PXYLP1: variants seen among roughly 807,000 people sequenced by gnomAD.
The protein encoded by PXYLP1 is acid phosphatase-like 2.
A neutral mutation model predicts 37.9 loss-of-function variants in PXYLP1; 17 were observed. That is an observed-to-expected ratio of 0.45 (90% CI 0.31 to 0.67). The LOEUF (loss-of-function observed/expected upper bound fraction) is 0.67, where lower values mean the gene tolerates loss of function less well. PXYLP1 is among the 30% of genes least tolerant of loss of function. The pLI, the probability that PXYLP1 is intolerant of heterozygous loss-of-function variation, is 0.07. For missense variants in PXYLP1, 511 were observed against 612.0 expected (o/e 0.84, Z 1.74); for synonymous variants, 221 against 232.2 (o/e 0.95, Z 0.44).
rs1942276306 is a variant in PXYLP1, at chr3:141,293,278, C to T, written c.*73C>T. ...GGGAAAGGTCCACTTCTAGTTTTGT[C>T]TGTTACTAAGGGTAGAAGATTATTG... On this transcript the variant is annotated 3_prime_UTR_variant, in exon 6 of 6. Coordinates refer to ENST00000286353, the MANE Select transcript of PXYLP1 (RefSeq NM_001037172.3). 6.4e-6 allele frequency: 9 copies of T among 1,407,854 alleles called. No homozygotes were observed. Among genetic ancestry groups the T allele is most frequent in the Non-Finnish European group, 8.7e-6 (9 of 1,040,020 alleles). The allele number at this position is 1,407,854 out of a possible 1,614,324, so 87.2% of individuals were successfully genotyped here.
At chr3:141,268,993 C>T (rs1383456776) in intron 2 of PXYLP1, among the ~76,000 whole-genome samples, 4 of 152,246 alleles carry the variant, frequency 2.6e-5, no homozygotes, top group Admixed American at 2.6e-4. Flanking sequence ...TCCACACCAC[C>T]CCTAGGTATC....
intron 1 of PXYLP1, among the ~76,000 whole-genome samples, chr3:141,242,466 A>G (rs1442890872): frequency 6.6e-6 from 1 of 152,248 alleles, no homozygotes; most frequent in Admixed American, 6.5e-5. Flanking sequence ...AAGAGGGCTG[A>G]GCCAGGGTTT....
chr3:141,252,657 A>G (rs1354390356), intron 1 of PXYLP1, among the ~76,000 whole-genome samples: 3 of 152,206 alleles, frequency 2.0e-5, no homozygotes, highest in Non-Finnish European at 4.4e-5. Context: ...ACATGTCAAC[A>G]TGAGATTTGG....
chr3:141,291,355 G>A (rs1576609977), intron 5 of PXYLP1, among the ~76,000 whole-genome samples: 1 of 152,238 alleles, frequency 6.6e-6, no homozygotes, highest in East Asian at 1.9e-4. Context: ...TTTTTCCAAT[G>A]TTAAAAGTTA....
intron 2 of PXYLP1, chr3:141,273,047 C>A (rs572723095): frequency 5.1e-6 from 5 of 985,350 alleles, no homozygotes; most frequent in South Asian, 4.7e-5. Flanking sequence ...CCTGCACCCC[C>A]CAACCAGCAA....
chr3:141,293,271 GT>G lies in PXYLP1; in HGVS notation c.*70del. 1 of 1,438,106 alleles carries G rather than the reference GT, an allele frequency of 7.0e-7. No individual in the cohort carries two copies. Among genetic ancestry groups the G allele is most frequent in the Non-Finnish European group, 9.4e-7 (1 of 1,064,306 alleles). 89.1% of individuals were successfully genotyped at this position (1,438,106 alleles called of 1,614,324 possible). On this transcript the variant is annotated 3_prime_UTR_variant, in exon 6 of 6. Transcript: ENST00000286353. ...GAGCATAGGGAAAGGTCCACTTCTA[GT>G]TTTGTCTGTTACTAAGGGTAGAAGA...
At chr3:141,271,098 A>C (rs992126998) in intron 2 of PXYLP1, among the ~76,000 whole-genome samples, 1 of 152,194 alleles carries the variant, frequency 6.6e-6, no homozygotes, top group South Asian at 2.1e-4. Flanking sequence ...ATTCCTTACC[A>C]GAATCCATTC....
intron 1 of PXYLP1, among the ~76,000 whole-genome samples, chr3:141,245,512 A>T (rs1940915427): frequency 6.6e-6 from 1 of 151,918 alleles, no homozygotes; most frequent in Admixed American, 6.6e-5. Context: ...TTCTCTGTTC[A>T]TTGCATTCTC....
chr3:141,288,001 A>C (rs1315650916), intron 5 of PXYLP1, among the ~76,000 whole-genome samples: 1 of 152,240 alleles, frequency 6.6e-6, no homozygotes, highest in Non-Finnish European at 1.5e-5. Flanking sequence ...ACAAGATCTC[A>C]GGGAGGAAAA....
rs530480785 is a variant in PXYLP1, at chr3:141,251,382, C to T, written c.-53-8741C>T. On this transcript the variant is annotated intron_variant, in intron 1 of 5. Transcript: ENST00000286353. ...AGAAAAACGTCAGGATGGTCTGGGG[C>T]AGGCAGCTTCCTTTTGATCTGGAAT... Among the ~76,000 whole-genome samples the T allele has an allele frequency of 1.4e-3, 211 of 152,304 alleles. 1 individual carries two copies. Among genetic ancestry groups the T allele is most frequent in the African/African-American group, 4.9e-3 (203 of 41,570 alleles).
At chr3:141,262,671 T>C (rs1240567714) in intron 2 of PXYLP1, 3 of 1,533,270 alleles carry the variant, frequency 2.0e-6, no homozygotes, top group East Asian at 2.4e-5. Flanking sequence ...CTTGGATACG[T>C]TGGAGATCGG....
intron 1 of PXYLP1, among the ~76,000 whole-genome samples, chr3:141,240,308 G>C (rs1940764389): frequency 6.6e-6 from 1 of 152,176 alleles, no homozygotes; most frequent in African/African-American, 2.4e-5. Context: ...TATGTTTAAT[G>C]GTTCAAATAT....
At chr3:141,250,796 T>C (rs1331537974) in intron 1 of PXYLP1, among the ~76,000 whole-genome samples, 1 of 152,234 alleles carries the variant, frequency 6.6e-6, no homozygotes, top group Non-Finnish European at 1.5e-5. Context: ...CTGAATCAAC[T>C]AGCCTTGGAG....
At chr3:141,238,825 A>T (rs1021751006) in intron 1 of PXYLP1, among the ~76,000 whole-genome samples, 1 of 152,206 alleles carries the variant, frequency 6.6e-6, no homozygotes, top group African/African-American at 2.4e-5. Context: ...TTATTAAGAA[A>T]ATCATAAGGA....
chr3:141,282,768 G>A lies in PXYLP1; in HGVS notation c.365+3264G>A, dbSNP rs112263481. On this transcript the variant is annotated intron_variant, in intron 4 of 5. Transcript: ENST00000286353. ...TTACAAGGTGGGATCAATAGGACTTGGTGGCAGGTTGGACAGGGGTATGAA... is the reference window on the plus strand; with the variant it reads ...TTACAAGGTGGGATCAATAGGACTTAGTGGCAGGTTGGACAGGGGTATGAA... Among the ~76,000 whole-genome samples, 1,305 of 152,322 alleles carry A rather than the reference G, an allele frequency of 8.6e-3. 11 individuals carry two copies. Among genetic ancestry groups the A allele is most frequent in the Middle Eastern group, 0.017 (5 of 294 alleles).
chr3:141,248,018 G>GTTT lies in PXYLP1; in HGVS notation c.-53-12103_-53-12101dup, dbSNP rs200024544. 2.2e-3 allele frequency among the ~76,000 whole-genome samples: 134 copies of GTTT among 62,320 alleles called. 2 individuals carry two copies. Among genetic ancestry groups the GTTT allele is most frequent in the East Asian group, 8.9e-3 (24 of 2,690 alleles). 40.9% of individuals were successfully genotyped at this position (62,320 alleles called of 152,430 possible). On this transcript the variant is annotated intron_variant, in intron 1 of 5. Transcript: ENST00000286353. ...AGCTTCGGAGCTTTTAAGAGTTTTT[G>GTTT]TTTTGTTTTTTTTTTTTTTTTTGAG...
In PXYLP1 at chr3:141,291,101, T is replaced by C. The variant is rs148939088; in HGVS notation, c.506-1167T>C. 7.7e-4 allele frequency among the ~76,000 whole-genome samples: 118 copies of C among 152,346 alleles called. 1 individual carries two copies. The East Asian group carries it at 0.019, about 25-fold the overall frequency. On this transcript the variant is annotated intron_variant, in intron 5 of 5. Coordinates refer to ENST00000286353, the MANE Select transcript of PXYLP1 (RefSeq NM_001037172.3). ...CCCAGACATCCTTTGTGGGTTTTGCTGAGCTGTTCCCTTTCCCAGGGGAAC... is the reference window on the plus strand; with the variant it reads ...CCCAGACATCCTTTGTGGGTTTTGCCGAGCTGTTCCCTTTCCCAGGGGAAC...
chr3:141,270,979 C>A (rs573280355), intron 2 of PXYLP1, among the ~76,000 whole-genome samples: 2 of 152,322 alleles, frequency 1.3e-5, no homozygotes, highest in South Asian at 4.1e-4. Flanking sequence ...CAGCCCCGAA[C>A]TCCTGAGCTC....
At chr3:141,283,609 TG>T (rs1347474132) in intron 4 of PXYLP1, among the ~76,000 whole-genome samples, 1 of 152,156 alleles carries the variant, frequency 6.6e-6, no homozygotes, top group Non-Finnish European at 1.5e-5. Context: ...AAAAGTACAC[TG>T]GGCTTATCTT....
Sources: gnomAD v4.1 joint callset for allele counts (sites outside exome capture counted in the v4.1 genomes callset) on GRCh38, gnomAD v4.1.1 for gene constraint, MANE v1.5 for transcripts, NCBI Gene and HGNC (gene_info 2026-07-23, HGNC 2026-07-21) for gene names.